Variants in SLC9A2 observed in about 807,000 individuals in gnomAD.
SLC9A2 encodes the protein sodium/hydrogen exchanger 2.
A neutral mutation model predicts 71.7 loss-of-function variants in SLC9A2; 42 were observed. The observed-to-expected ratio is 0.59, with a 90% CI of 0.46 to 0.76. The LOEUF (loss-of-function observed/expected upper bound fraction) is 0.76. Ranked by LOEUF, SLC9A2 falls within the 30% of genes least tolerant of loss-of-function variation. SLC9A2 has a pLI of 0.00. For synonymous variants in SLC9A2, 396 were observed against 392.5 expected (o/e 1.01, Z -0.10); for missense variants, 829 against 1,017.4 (o/e 0.81, Z 2.52).
chr2:102,702,505 A>C lies in SLC9A2; in HGVS notation c.1845+3A>C. ...ATCTCTATCAAATCCGTCAGCGAGT[A>C]AGAATAATTTATGTAGCAAAATATT... On this transcript the variant is annotated splice_donor_region_variant and intron_variant, in intron 9 of 11. Transcript: ENST00000233969. 6.5e-7 allele frequency: 1 copy of C among 1,537,072 alleles called. No individual in the cohort carries two copies. Among genetic ancestry groups the C allele is most frequent in the Non-Finnish European group, 8.9e-7 (1 of 1,123,614 alleles).
At chr2:102,683,581 C>T (rs13001227) in intron 4 of SLC9A2, 103 bp downstream of exon 4, 12 of 869,174 alleles carry the variant, frequency 1.4e-5, no homozygotes, top group Non-Finnish European at 2.2e-5. Context: ...TCTTTTATGT[C>T]TGCTTAATTT....
chr2:102,688,557 G>A (rs1028117436), intron 5 of SLC9A2, among the ~76,000 whole-genome samples: 1 of 152,106 alleles, frequency 6.6e-6, no homozygotes, highest in Non-Finnish European at 1.5e-5. Context: ...GTGAAACCCT[G>A]TCTCTACTAA....
Position 102,668,163 on chromosome 2 carries a change from G to C in SLC9A2, c.1004+2813G>C, listed in dbSNP as rs536716156. ...TGGGTCCTTAAATAAGATATTACCA[G>C]TGATGTAAACATTTTTGCCCCAAAA... On this transcript the variant is annotated intron_variant, in intron 3 of 11. Transcript: ENST00000233969. Among the ~76,000 whole-genome samples the C allele has an allele frequency of 5.3e-5, 8 of 152,236 alleles. No individual in the cohort carries two copies. In the South Asian group the frequency reaches 6.2e-4, roughly 12 times the overall value.
chr2:102,620,204 G>A, intron 1 of SLC9A2, 67 bp downstream of exon 1: 1 of 1,430,224 alleles, frequency 7.0e-7, no homozygotes, highest in Non-Finnish European at 9.5e-7. Context: ...AGGGTGACCG[G>A]GTCAGCCAGC....
At position 102,683,454 on chromosome 2, in the gene SLC9A2, T is replaced by C; in HGVS notation, c.1198T>C (p.Phe400Leu). ...GGCCTTCGTCTGCTTCACCCTGGCC[T>C]TCTGCCTCATGTGGCGAGCCCTGGG... The part of the protein sequence containing the change: ...NWAFVCFTLA[F>L]CLMWRALGVF... Residue 400 changes from phenylalanine (F) to leucine (L), a missense_variant, in exon 4 of 12, where the codon TTC becomes CTC. Around this residue, in one of 3 missense-constraint regions of SLC9A2, gnomAD observed 500 missense variants for 726.3 expected, o/e 0.69. Transcript: ENST00000233969. The C allele has an allele frequency of 6.2e-7, 1 of 1,614,230 alleles. No individual in the cohort carries two copies. Among genetic ancestry groups the C allele is most frequent in the Non-Finnish European group, 8.5e-7 (1 of 1,180,030 alleles).
intron 3 of SLC9A2, among the ~76,000 whole-genome samples, chr2:102,676,110 C>A (rs1677341520): frequency 2.0e-5 from 3 of 152,218 alleles, no homozygotes; most frequent in Admixed American, 2.0e-4. Context: ...GTTTCTAGGA[C>A]TCATGTAGAA....
intron 3 of SLC9A2, among the ~76,000 whole-genome samples, chr2:102,673,031 A>C (rs1002545759): frequency 4.6e-5 from 7 of 152,070 alleles, no homozygotes; most frequent in Non-Finnish European, 7.4e-5. Flanking sequence ...GGAGGCAAAA[A>C]AAAATCAAAT....
At chr2:102,650,473 C>T (rs2104514678) in intron 1 of SLC9A2, among the ~76,000 whole-genome samples, 2 of 152,020 alleles carry the variant, frequency 1.3e-5, no homozygotes, top group Non-Finnish European at 2.9e-5. Context: ...CACATGTATC[C>T]CGGAAATTAA....
At position 102,674,424 on chromosome 2, in the gene SLC9A2, G is replaced by C. The variant is rs79076785; in HGVS notation, c.1005-8837G>C. Among the ~76,000 whole-genome samples, 281 of 152,272 alleles carry C rather than the reference G, an allele frequency of 1.8e-3. 1 individual carries two copies. The highest frequency in any genetic ancestry group is 6.8e-3 in the Middle Eastern group (2 of 294). ...TTGGCTTCTGGGGTGAGGAGAGTCT[G>C]CCTGCAGCTCCTCTTGATGCTGTAG... On this transcript the variant is annotated intron_variant, in intron 3 of 11. Coordinates refer to ENST00000233969, the MANE Select transcript of SLC9A2 (RefSeq NM_003048.6).
chr2:102,702,517 T>C lies in SLC9A2; in HGVS notation c.1845+15T>C, dbSNP rs994945724. ...TCCGTCAGCGAGTAAGAATAATTTA[T>C]GTAGCAAAATATTTACTTACCTTTG... On this transcript the variant is annotated intron_variant, in intron 9 of 11. Transcript: ENST00000233969. 1.7e-5 allele frequency: 24 copies of C among 1,436,050 alleles called. No individual in the cohort carries two copies. Among genetic ancestry groups the C allele is most frequent in the Middle Eastern group, 1.8e-4 (1 of 5,680 alleles). The allele number at this position is 1,436,050 out of a possible 1,614,324, so 89.0% of individuals were successfully genotyped here.
intron 1 of SLC9A2, among the ~76,000 whole-genome samples, chr2:102,649,637 C>G (rs894452148): frequency 2.0e-5 from 3 of 151,948 alleles, no homozygotes; most frequent in African/African-American, 7.3e-5. Context: ...AAAAAACAAA[C>G]AACCCCATCA....
chr2:102,657,516 A>T, intron 1 of SLC9A2, 48 bp from the exon 2 acceptor site: 1 of 1,351,556 alleles, frequency 7.4e-7, no homozygotes, highest in Admixed American at 2.4e-5. Context: ...CCTGTCTCCC[A>T]AATTCCTCCA....
chr2:102,680,921 C>T lies in SLC9A2; in HGVS notation c.1005-2340C>T, dbSNP rs530180692. 4.5e-3 allele frequency among the ~76,000 whole-genome samples: 683 copies of T among 152,222 alleles called. 5 individuals are homozygous for T. Among genetic ancestry groups the T allele is most frequent in the African/African-American group, 0.016 (647 of 41,526 alleles). On this transcript the variant is annotated intron_variant, in intron 3 of 11. Transcript: ENST00000233969. ...GCACGAGCCAAGGAATGCAGGGGGG[C>T]CTCTAGAAACTAGAGAAGGCAGGGG...
chr2:102,620,055 T>A lies in SLC9A2; in HGVS notation c.207T>A (p.Pro69=), dbSNP rs1435249010. The change falls in exon 1 of 12, where the codon CCT becomes CCA. Residue 69 remains proline (P), a synonymous_variant. Transcript: ENST00000233969. ...GTTLFEESRL[P]VFTLDYPHVQ... ...CGCTGTTCGAGGAGAGCCGGCTGCC[T>A]GTGTTTACGCTGGATTACCCCCACG... is the stretch of plus-strand genomic sequence containing the variant. 3 of 1,613,898 alleles carry A rather than the reference T, an allele frequency of 1.9e-6. No individual in the cohort carries two copies. The highest frequency in any genetic ancestry group is 2.5e-6 in the Non-Finnish European group (3 of 1,179,986).
intron 3 of SLC9A2, among the ~76,000 whole-genome samples, chr2:102,671,854 C>G (rs958424004): frequency 2.6e-5 from 4 of 152,128 alleles, no homozygotes; most frequent in African/African-American, 7.2e-5. Flanking sequence ...GCTTGCAATC[C>G]CAGCACTCTG....
chr2:102,649,281 C>A (rs2104513802), intron 1 of SLC9A2, among the ~76,000 whole-genome samples: 1 of 152,238 alleles, frequency 6.6e-6, no homozygotes, highest in East Asian at 1.9e-4. Flanking sequence ...ATGTAGAAAA[C>A]TGAAACTGGA....
intron 1 of SLC9A2, among the ~76,000 whole-genome samples, chr2:102,627,594 T>A (rs1373971898): frequency 6.6e-6 from 1 of 152,190 alleles, no homozygotes; most frequent in Non-Finnish European, 1.5e-5. Context: ...TTCTCCTTTC[T>A]GTTTCTAATA....
At position 102,708,631 on chromosome 2, in the gene SLC9A2, A is replaced by T. The variant is rs1222585261; in HGVS notation, c.*142A>T. The T allele has an allele frequency of 1.3e-5, 12 of 959,328 alleles. No individual in the cohort carries two copies. The highest frequency in any genetic ancestry group is 1.8e-5 in the Non-Finnish European group (12 of 653,836). The allele number at this position is 959,328 out of a possible 1,614,324, so 59.4% of individuals were successfully genotyped here. ...GGAGGGCGACAGATTCATGCCACGG[A>T]TAAATGAGGCAAATCCGAAGAAAAG... is the stretch of plus-strand genomic sequence containing the variant. On this transcript the variant is annotated 3_prime_UTR_variant, in exon 12 of 12. Transcript: ENST00000233969.
intron 5 of SLC9A2, among the ~76,000 whole-genome samples, chr2:102,693,743 C>T (rs1677704850): frequency 6.6e-6 from 1 of 152,172 alleles, no homozygotes; most frequent in African/African-American, 2.4e-5. Context: ...TACTTTGTAA[C>T]TGTTTTCGGA....
Sources: gnomAD v4.1 joint callset for allele counts (sites outside exome capture counted in the v4.1 genomes callset) on GRCh38, gnomAD v4.1.1 for gene constraint, gnomAD v4.1.1 regional missense constraint, MANE v1.5 for transcripts, NCBI Gene and HGNC (gene_info 2026-07-23, HGNC 2026-07-21) for gene names.